Variants in RNASET2 observed in about 807,000 individuals in gnomAD.
The protein encoded by RNASET2 is ribonuclease T2.
RNASET2 carries 28 observed loss-of-function variants against 33.9 expected under a neutral mutation model. The observed-to-expected ratio is 0.83, with a 90% CI of 0.61 to 1.13. The LOEUF (loss-of-function observed/expected upper bound fraction) is 1.13. Ranked by LOEUF, RNASET2 falls within the 50% of genes most tolerant of loss-of-function variation. The probability of loss-of-function intolerance (pLI) is 0.00; values close to 1 mark genes in which losing one functional copy is unlikely to be tolerated. For missense variants in RNASET2, 330 were observed against 319.9 expected (o/e 1.03, Z -0.24); for synonymous variants, 123 against 121.0 (o/e 1.02, Z -0.11).
In RNASET2 at chr6:166,937,145, C is replaced by CT. The variant is rs370311451; in HGVS notation, c.446+1749dup. Among the ~76,000 whole-genome samples, 644 of 149,774 alleles carry CT rather than the reference C, an allele frequency of 4.3e-3. 7 individuals carry two copies. Among genetic ancestry groups the CT allele is most frequent in the South Asian group, 0.025 (117 of 4,712 alleles). ...CTCTCTTGGTTAATCCTCATAATGA[C>CT]TTTTTTTTTTGAGACAGTTTTGCTC... On this transcript the variant is annotated intron_variant, in intron 6 of 8. Transcript: ENST00000508775.
intron 5 of RNASET2, among the ~76,000 whole-genome samples, chr6:166,941,474 C>A (rs1172070977): frequency 6.6e-6 from 1 of 152,152 alleles, no homozygotes; most frequent in Non-Finnish European, 1.5e-5. Context: ...TTCCTATCTT[C>A]TTCCATTCCA....
In RNASET2 at chr6:166,933,947, T is replaced by TA; in HGVS notation, c.492+143dup. ...CATGCGCAGGAAAATAAAATGCAAA[T>TA]AAAATCTGTTCACATGATAACATTT... On this transcript the variant is annotated intron_variant, in intron 7 of 8. Coordinates refer to ENST00000508775, the MANE Select transcript of RNASET2 (RefSeq NM_003730.6). This position sits in a 1 kb window ranked among gnomAD's most constrained non-coding sequence, Gnocchi z 4.1. 1.3e-6 allele frequency: 1 copy of TA among 746,540 alleles called. No homozygotes were observed. The highest frequency in any genetic ancestry group is 1.7e-5 in the African/African-American group (1 of 57,664). The allele number at this position is 746,540 out of a possible 1,614,324, so 46.2% of individuals were successfully genotyped here.
chr6:166,950,285 A>G (rs1778952349), intron 2 of RNASET2, among the ~76,000 whole-genome samples: 1 of 152,114 alleles, frequency 6.6e-6, no homozygotes, highest in South Asian at 2.1e-4. Flanking sequence ...CACTCCCAAC[A>G]ATTGAAAGTT....
intron 1 of RNASET2, chr6:166,955,533 CACG>C: frequency 2.0e-6 from 2 of 987,096 alleles, no homozygotes; most frequent in Non-Finnish European, 2.4e-6. Context: ...GTGTCCCCTC[CACG>C]ACTTCTTCGA....
intron 5 of RNASET2, among the ~76,000 whole-genome samples, chr6:166,941,374 T>C (rs1281644698): frequency 1.3e-5 from 2 of 152,248 alleles, no homozygotes; most frequent in African/African-American, 4.8e-5. Flanking sequence ...TCATGGAACA[T>C]TGTAACAACT....
intron 5 of RNASET2, among the ~76,000 whole-genome samples, chr6:166,940,954 A>G (rs1334381104): frequency 6.6e-6 from 1 of 152,118 alleles, no homozygotes; most frequent in Non-Finnish European, 1.5e-5. Context: ...CACATTCCAC[A>G]GCAGTGCTGT....
At chr6:166,934,469 A>G in intron 6 of RNASET2, 1 of 304,870 alleles carries the variant, frequency 3.3e-6, no homozygotes, top group South Asian at 3.8e-5. Context: ...AAAAGACAGC[A>G]ATTGAAATCG....
At chr6:166,945,830 C>T (rs1042843771) in intron 4 of RNASET2, among the ~76,000 whole-genome samples, 3 of 72,474 alleles carry the variant, frequency 4.1e-5, no homozygotes, top group African/African-American at 1.2e-4. Context: ...AACTCTGTCT[C>T]AAAAAAAAAA....
chr6:166,947,374 C>T (rs1294922486), intron 3 of RNASET2, among the ~76,000 whole-genome samples: 1 of 152,220 alleles, frequency 6.6e-6, no homozygotes, highest in African/African-American at 2.4e-5. Flanking sequence ...TCCACAAGGT[C>T]ACTAACTTCC....
rs1452254618 is a variant in RNASET2, at chr6:166,956,146, A to G, written c.37T>C (p.Cys13Arg). Residue 13 changes from cysteine to arginine, a missense_variant, in exon 1 of 9, where the codon TGC becomes CGC. Transcript: ENST00000508775. ...PAALRGALLG[C>R]LCLALLCLGG... ...AGGCAAAGCAACGCCAGGCAGAGGC[A>G]GCCCAGCAGGGCCCCGCGCAGGGCT... is the stretch of plus-strand genomic sequence containing the variant. The G allele has an allele frequency of 2.6e-6, 4 of 1,551,124 alleles. No individual in the cohort carries two copies. Among genetic ancestry groups the G allele is most frequent in the Non-Finnish European group, 2.6e-6 (3 of 1,146,914 alleles).
intron 4 of RNASET2, 83 bp from the exon 5 acceptor site, chr6:166,943,172 A>G: frequency 1.0e-6 from 1 of 953,978 alleles, no homozygotes; most frequent in Non-Finnish European, 1.6e-6. Context: ...ATAAACTGAC[A>G]CCAAAGAATT....
At position 166,938,877 on chromosome 6, in the gene RNASET2, G is replaced by A. The variant is rs1778630714; in HGVS notation, c.446+18C>T. On this transcript the variant is annotated intron_variant, in intron 6 of 8. Transcript: ENST00000508775. ...AGATCCCCACTGGGAAGTGCAGCCG[G>A]GGGAAGGGCGCACCCACCTGTTGAG... 1 of 1,561,556 alleles carries A rather than the reference G, an allele frequency of 6.4e-7. No individual in the cohort carries two copies. Among genetic ancestry groups the A allele is most frequent in the Non-Finnish European group, 8.8e-7 (1 of 1,131,986 alleles).
At chr6:166,931,796 C>CT (rs760846864) in intron 7 of RNASET2, 20 of 155,588 alleles carry the variant, frequency 1.3e-4, no homozygotes, top group Non-Finnish European at 2.6e-4. Context: ...TCACCAGCTC[C>CT]AGCAGATGCC....
At chr6:166,946,590 A>T (rs1214737103) in intron 4 of RNASET2, 92 bp downstream of exon 4, 5 of 774,552 alleles carry the variant, frequency 6.5e-6, no homozygotes, top group Non-Finnish European at 1.1e-5. Context: ...ATGACCCCTT[A>T]ATTTTAAAGA....
At position 166,923,598 on chromosome 6, in the gene RNASET2, C is replaced by A. The variant is rs1308157663; in HGVS notation, c.*5990G>T. ...TTTTTGTCTAAAATAAATGGAAGGC[C>A]CATTACAGTCACTCAGAAAAAAAAA... On this transcript the variant is annotated 3_prime_UTR_variant, in exon 9 of 9. Coordinates refer to ENST00000508775, the MANE Select transcript of RNASET2 (RefSeq NM_003730.6). Among the ~76,000 whole-genome samples, 1 of 151,554 alleles carries A rather than the reference C, an allele frequency of 6.6e-6. No homozygotes were observed. The highest frequency in any genetic ancestry group is 1.5e-5 in the Non-Finnish European group (1 of 67,940).
rs1778246318 is a variant in RNASET2, at chr6:166,922,168, T to C, written c.*7420A>G. ...TTGATAACTATAGGATCCTAACTGC[T>C]AAGCATATATGTTGATCATGTTTAC... On this transcript the variant is annotated 3_prime_UTR_variant, in exon 9 of 9. Transcript: ENST00000508775. Among the ~76,000 whole-genome samples the C allele has an allele frequency of 6.6e-6, 1 of 152,248 alleles. No homozygotes were observed. Among genetic ancestry groups the C allele is most frequent in the Non-Finnish European group, 1.5e-5 (1 of 68,048 alleles).
At chr6:166,955,860 T>G in intron 1 of RNASET2, 2 of 769,314 alleles carry the variant, frequency 2.6e-6, no homozygotes, top group Non-Finnish European at 3.1e-6. Flanking sequence ...AGAGGTCACT[T>G]CTGAGTGTGC....
intron 8 of RNASET2, among the ~76,000 whole-genome samples, chr6:166,930,601 C>T (rs1778401839): frequency 6.6e-6 from 1 of 150,790 alleles, no homozygotes. Flanking sequence ...CACATGCACA[C>T]ATGCATGTAC....
chr6:166,929,655 C>T lies in RNASET2; in HGVS notation c.704G>A (p.Ser235Asn). 2 of 1,614,108 alleles carry T rather than the reference C, an allele frequency of 1.2e-6. No individual in the cohort carries two copies. Among genetic ancestry groups the T allele is most frequent in the Non-Finnish European group, 1.7e-6 (2 of 1,180,018 alleles). ...EVWLANGAAE[S>N]RGLRVCEDGP... is the part of the protein sequence containing the mutation. ...ATCTTCACAGACTCTCAGACCCCGG[C>T]TCTCGGCGGCCCCATTTGCCAGCCA... Residue 235 changes from serine to asparagine, a missense_variant, in exon 9 of 9, where the codon AGC becomes AAC. Physicochemically the swap from Ser to Asn is conservative, Grantham distance 46. Transcript: ENST00000508775.
Sources: gnomAD v4.1 joint callset for allele counts (sites outside exome capture counted in the v4.1 genomes callset) on GRCh38, gnomAD v4.1.1 for gene constraint, Gnocchi (gnomAD v3.1) non-coding constraint, MANE v1.5 for transcripts, NCBI Gene and HGNC (gene_info 2026-07-23, HGNC 2026-07-21) for gene names.